Variants in NRXN1 observed in about 807,000 individuals in gnomAD.
NRXN1 encodes the protein neurexin-1.
NRXN1 carries 39 observed loss-of-function variants against 150.9 expected under a neutral mutation model. That is an observed-to-expected ratio of 0.26 (90% CI 0.20 to 0.34). NRXN1 has a LOEUF of 0.34. Ranked by LOEUF, NRXN1 falls within the 10% of genes least tolerant of loss-of-function variation. NRXN1 has a pLI of 1.00. For missense variants in NRXN1, 1,815 were observed against 1,949.9 expected (o/e 0.93, Z 1.30); for synonymous variants, 924 against 757.0 (o/e 1.22, Z -3.62).
intron 15 of NRXN1, among the ~76,000 whole-genome samples, chr2:50,495,374 GTGTGTGGTGT>G (rs1490797427): frequency 1.7e-3 from 13 of 7,714 alleles, no homozygotes; most frequent in African/African-American, 5.3e-3. Flanking sequence ...GTGTGTGTGT[GTGTGTGGTGT>G]GTGTGTGTGT....
At chr2:50,814,041 T>G (rs1463038893) in intron 5 of NRXN1, among the ~76,000 whole-genome samples, 1 of 152,208 alleles carries the variant, frequency 6.6e-6, no homozygotes, top group Non-Finnish European at 1.5e-5. Flanking sequence ...CAAAATTTTG[T>G]GGAAATTTAA....
intron 5 of NRXN1, among the ~76,000 whole-genome samples, chr2:50,641,203 G>C (rs761553644): frequency 2.0e-4 from 30 of 152,124 alleles, no homozygotes; most frequent in Non-Finnish European, 3.7e-4. Flanking sequence ...TTTTAACCAA[G>C]CCAAATGTTG....
intron 19 of NRXN1, among the ~76,000 whole-genome samples, chr2:50,077,841 TG>T (rs1697331111): frequency 6.6e-6 from 1 of 152,086 alleles, no homozygotes; most frequent in Admixed American, 6.6e-5. Context: ...ATAGATAATA[TG>T]CCCAAGATGA....
intron 18 of NRXN1, among the ~76,000 whole-genome samples, chr2:50,197,219 C>T (rs1388285358): frequency 6.6e-6 from 1 of 152,002 alleles, no homozygotes; most frequent in African/African-American, 2.4e-5. Context: ...AGATGCATAA[C>T]AGTTCAAGTA....
chr2:50,962,542 G>C (rs1693374554), intron 2 of NRXN1, among the ~76,000 whole-genome samples: 2 of 151,182 alleles, frequency 1.3e-5, no homozygotes, highest in Admixed American at 1.3e-4. Context: ...TTGTTTGTTT[G>C]TTTGTTTAAT....
chr2:50,329,533 C>T (rs6737125), intron 17 of NRXN1, among the ~76,000 whole-genome samples: 58,198 of 137,688 alleles, frequency 0.42, 14,753 homozygotes, highest in African/African-American at 0.72. Flanking sequence ...TTCCACACTT[C>T]GTACACAATA....
chr2:49,968,127 C>T (rs1030875123), intron 21 of NRXN1, among the ~76,000 whole-genome samples: 3 of 143,682 alleles, frequency 2.1e-5, no homozygotes, highest in Admixed American at 7.3e-5. Context: ...CACCTACCCA[C>T]TCCATCCCAC....
intron 2 of NRXN1, among the ~76,000 whole-genome samples, chr2:50,936,645 C>T (rs1688587213): frequency 6.6e-6 from 1 of 152,030 alleles, no homozygotes; most frequent in Non-Finnish European, 1.5e-5. Flanking sequence ...ATGGGGAAAG[C>T]ACAGTGGAAA....
chr2:50,278,242 A>ATCTATATGTATTATATATAT (rs1491272853), intron 17 of NRXN1, among the ~76,000 whole-genome samples: 1 of 118,298 alleles, frequency 8.5e-6, no homozygotes, highest in Non-Finnish European at 1.6e-5. Context: ...TATATATATA[A>ATCTATATGTATTATATATAT]TATATATATA....
chr2:50,978,294 AT>A lies in NRXN1; in HGVS notation c.772+49207del, dbSNP rs1696222588. 9.1e-5 allele frequency among the ~76,000 whole-genome samples: 12 copies of A among 132,186 alleles called. No homozygotes were observed. The South Asian group carries it at 9.4e-4, about 10-fold the overall frequency. The allele number at this position is 132,186 out of a possible 152,430, so 86.7% of individuals were successfully genotyped here. A position where few individuals can be genotyped will look rare whatever the true frequency, so the allele number is the denominator to read the frequency against. ...TACATATATATATATATATATATAT[AT>A]ATATATATATAAAATATATATATTA... On this transcript the variant is annotated intron_variant, in intron 2 of 22. Coordinates refer to ENST00000401669, the MANE Select transcript of NRXN1 (RefSeq NM_001330078.2).
intron 21 of NRXN1, among the ~76,000 whole-genome samples, chr2:49,999,286 C>G (rs1172971832): frequency 6.6e-6 from 1 of 152,122 alleles, no homozygotes; most frequent in African/African-American, 2.4e-5. Flanking sequence ...TTTAAATATG[C>G]TATCTCCAAA....
intron 5 of NRXN1, among the ~76,000 whole-genome samples, chr2:50,911,956 A>G (rs745593042): frequency 6.6e-6 from 1 of 151,362 alleles, no homozygotes; most frequent in African/African-American, 2.4e-5. Flanking sequence ...GAATAACTAC[A>G]TTTTTTTTCA....
At chr2:50,364,323 C>A (rs905075358) in intron 17 of NRXN1, among the ~76,000 whole-genome samples, 2 of 152,090 alleles carry the variant, frequency 1.3e-5, no homozygotes, top group Non-Finnish European at 2.9e-5. Flanking sequence ...TGTAAACAAA[C>A]AAAATCAGTA....
chr2:50,465,851 A>G (rs2088777449), intron 16 of NRXN1, among the ~76,000 whole-genome samples: 1 of 151,934 alleles, frequency 6.6e-6, no homozygotes, highest in South Asian at 2.1e-4. Context: ...ATCTCATTCC[A>G]ACTTCAATAA....
intron 5 of NRXN1, among the ~76,000 whole-genome samples, chr2:50,913,609 G>C (rs966296842): frequency 1.3e-5 from 2 of 151,714 alleles, no homozygotes; most frequent in Non-Finnish European, 2.9e-5. Context: ...TTTTAAACAT[G>C]AAAGAAAATA....
chr2:50,457,335 G>T (rs537333188), intron 17 of NRXN1, among the ~76,000 whole-genome samples: 1 of 152,264 alleles, frequency 6.6e-6, no homozygotes, highest in South Asian at 2.1e-4. Context: ...AGGGAATTTT[G>T]CAGCTAGGGA....
rs182391300 is a variant in NRXN1 at position 50,652,697 on chromosome 2, C to T, written c.833-29082G>A. ...TTTGTATAGACACATGTTTTCATTT[C>T]TCTTAGGTAGGTACCTATGAGTGGA... On this transcript the variant is annotated intron_variant, in intron 5 of 22. Coordinates refer to ENST00000401669, the MANE Select transcript of NRXN1 (RefSeq NM_001330078.2). Among the ~76,000 whole-genome samples the T allele has an allele frequency of 2.5e-3, 382 of 152,156 alleles. 3 individuals carry two copies. Among genetic ancestry groups the T allele is most frequent in the African/African-American group, 8.5e-3 (353 of 41,536 alleles).
At chr2:50,227,072 G>T (rs2152865492) in intron 18 of NRXN1, among the ~76,000 whole-genome samples, 1 of 151,282 alleles carries the variant, frequency 6.6e-6, no homozygotes, top group Non-Finnish European at 1.5e-5. Context: ...ATGAAGATTT[G>T]CCATCAGAGT....
intron 5 of NRXN1, among the ~76,000 whole-genome samples, chr2:50,681,008 A>C (rs893567481): frequency 2.0e-5 from 3 of 152,208 alleles, no homozygotes; most frequent in African/African-American, 7.2e-5. Flanking sequence ...TCTTCACATA[A>C]AGTGAATCAA....
Sources: gnomAD v4.1 joint callset for allele counts (sites outside exome capture counted in the v4.1 genomes callset) on GRCh38, gnomAD v4.1.1 for gene constraint, MANE v1.5 for transcripts, NCBI Gene and HGNC (gene_info 2026-07-23, HGNC 2026-07-21) for gene names.